Variants in APBA2 observed in about 807,000 individuals in gnomAD.
APBA2 encodes the protein amyloid-beta A4 precursor protein-binding family A member 2.
APBA2 carries 30 observed loss-of-function variants against 75.0 expected under a neutral mutation model. The observed-to-expected ratio is 0.40, with a 90% CI of 0.30 to 0.54. The LOEUF (loss-of-function observed/expected upper bound fraction) is 0.54, where lower values mean the gene tolerates loss of function less well. APBA2 is among the 20% of genes least tolerant of loss of function. APBA2 has a pLI of 0.49. For missense variants in APBA2, 801 were observed against 1,016.1 expected, an observed-to-expected ratio of 0.79 and a Z score of 2.88; for synonymous variants, 444 against 409.6, an observed-to-expected ratio of 1.08 and a Z score of -1.01.
chr15:29,038,354 A>G (rs1047716541), intron 3 of APBA2, among the ~76,000 whole-genome samples: 1 of 152,198 alleles, frequency 6.6e-6, no homozygotes, highest in Non-Finnish European at 1.5e-5. Flanking sequence ...AACCTCAGCT[A>G]TGGAGAAGCT....
chr15:28,960,606 C>T (rs2036416831), intron 2 of APBA2, among the ~76,000 whole-genome samples: 1 of 152,030 alleles, frequency 6.6e-6, no homozygotes, highest in Admixed American at 6.6e-5. Flanking sequence ...CTCCTAGGTT[C>T]CCCTTTAGGA....
chr15:29,105,980 G>A (rs1000825987), intron 11 of APBA2, among the ~76,000 whole-genome samples: 2 of 152,220 alleles, frequency 1.3e-5, no homozygotes, highest in African/African-American at 4.8e-5. Flanking sequence ...TATGGGCAGA[G>A]GAGCAAATTC....
At position 29,054,286 on chromosome 15, in the gene APBA2, C is replaced by T; in HGVS notation, c.402C>T (p.Cys134=). 6.2e-7 allele frequency: 1 copy of T among 1,614,132 alleles called. No individual in the cohort carries two copies. The highest frequency in any genetic ancestry group is 8.5e-7 in the Non-Finnish European group (1 of 1,180,018). The change falls in exon 4 of 15, where the codon TGC becomes TGT. Residue 134 remains cysteine (C), a synonymous_variant. Coordinates refer to ENST00000683413, the MANE Select transcript of APBA2 (RefSeq NM_001353788.2). The surrounding 1 kb of genome is among the most constrained non-coding windows in gnomAD (Gnocchi z 6.1). ...HSAHPVDTDE[C]QEAVEEWTDS... Reference sequence around the variant, plus strand: ...CACACCCTGTGGACACTGATGAGTGCCAGGAGGCGGTGGAGGAGTGGACGG... The same window carrying T: ...CACACCCTGTGGACACTGATGAGTGTCAGGAGGCGGTGGAGGAGTGGACGG...
chr15:28,913,288 G>A (rs1448599420), intron 1 of APBA2, among the ~76,000 whole-genome samples: 5 of 152,164 alleles, frequency 3.3e-5, no homozygotes, highest in Non-Finnish European at 2.9e-5. Context: ...ACAGTAGCTC[G>A]AGGAGCAGGC....
intron 4 of APBA2, among the ~76,000 whole-genome samples, chr15:29,073,399 G>T (rs552679882): frequency 6.6e-6 from 1 of 152,346 alleles, no homozygotes; most frequent in African/African-American, 2.4e-5. Flanking sequence ...TGCCCAGGCT[G>T]GAGTGCAATG....
At chr15:29,043,548 G>A (rs1253355520) in intron 3 of APBA2, among the ~76,000 whole-genome samples, 1 of 152,238 alleles carries the variant, frequency 6.6e-6, no homozygotes, top group Non-Finnish European at 1.5e-5. Flanking sequence ...CTCGAAGGCA[G>A]CCCTTGCTAA....
intron 3 of APBA2, among the ~76,000 whole-genome samples, chr15:29,019,330 A>C (rs2039834114): frequency 6.6e-6 from 1 of 152,198 alleles, no homozygotes; most frequent in Non-Finnish European, 1.5e-5. Context: ...TTTTTGATTA[A>C]GGATATTATA....
intron 3 of APBA2, among the ~76,000 whole-genome samples, chr15:29,039,101 GTGTGTGT>G (rs1566934688): frequency 2.1e-3 from 61 of 28,686 alleles, no homozygotes; most frequent in African/African-American, 0.016. Flanking sequence ...ATGTCAGGGT[GTGTGTGT>G]GTGTGTGTGT....
intron 4 of APBA2, among the ~76,000 whole-genome samples, 196 bp from the exon 5 acceptor site, chr15:29,074,724 CT>C (rs1195220507): frequency 6.6e-6 from 1 of 152,090 alleles, no homozygotes; most frequent in Non-Finnish European, 1.5e-5. Flanking sequence ...TTTAAAATAA[CT>C]TTTTTAGAAG....
At position 28,921,689 on chromosome 15, in the gene APBA2, T is replaced by C. The variant is rs953455757; in HGVS notation, c.-155T>C. The C allele has an allele frequency of 2.0e-5, 3 of 152,330 alleles. No homozygotes were observed. Among genetic ancestry groups the C allele is most frequent in the Admixed American group, 6.5e-5 (1 of 15,298 alleles). 9.4% of individuals were successfully genotyped at this position (152,330 alleles called of 1,614,324 possible). A position where few individuals can be genotyped will look rare whatever the true frequency, so the allele number is the denominator to read the frequency against. On this transcript the variant is annotated 5_prime_UTR_variant, in exon 2 of 15. Coordinates refer to ENST00000683413, the MANE Select transcript of APBA2 (RefSeq NM_001353788.2). ...GAATCTCCTGTGGACAAACCACCAA[T>C]AGGCCAGGACTGTCCTGTGGACAGA... is the stretch of plus-strand genomic sequence containing the variant.
intron 2 of APBA2, chr15:28,977,529 A>G (rs73368768): frequency 0.042 from 6,369 of 152,108 alleles, 272 homozygotes; most frequent in East Asian, 0.17. Context: ...TGAGATGGGA[A>G]TTTCCTGATT....
rs143145749 is a variant in APBA2, at chr15:29,024,510, C to T, written c.-41+28704C>T. Among the ~76,000 whole-genome samples the T allele has an allele frequency of 2.0e-3, 306 of 152,308 alleles. 2 individuals are homozygous for T. The highest frequency in any genetic ancestry group is 6.4e-3 in the African/African-American group (267 of 41,564). ...CACCCTCTTCCTTTTTGTTCCATTA[C>T]ACCTCTCTATTGCAGAGACTCACGT... On this transcript the variant is annotated intron_variant, in intron 3 of 14. Coordinates refer to ENST00000683413, the MANE Select transcript of APBA2 (RefSeq NM_001353788.2).
At chr15:29,055,080 C>G (rs964462101) in intron 4 of APBA2, among the ~76,000 whole-genome samples, 2 of 152,346 alleles carry the variant, frequency 1.3e-5, no homozygotes, top group African/African-American at 2.4e-5. Flanking sequence ...CAACTCGTGT[C>G]TCGCAGAAGA....
chr15:28,966,922 T>G (rs921457056), intron 2 of APBA2, among the ~76,000 whole-genome samples: 1 of 152,200 alleles, frequency 6.6e-6, no homozygotes, highest in African/African-American at 2.4e-5. Flanking sequence ...TCACTACTTT[T>G]TAAATATAAT....
chr15:28,991,884 C>T lies in APBA2; in HGVS notation c.-94-3869C>T, dbSNP rs948790124. 6.6e-6 allele frequency among the ~76,000 whole-genome samples: 1 copy of T among 152,194 alleles called. No homozygotes were observed. ...CCCAGGCACAGTGCACCAGAGTTTC[C>T]CAAACCTGTGTGCCGAGTGCCAGCC... On this transcript the variant is annotated intron_variant, in intron 2 of 14. Coordinates refer to ENST00000683413, the MANE Select transcript of APBA2 (RefSeq NM_001353788.2). This position sits in a 1 kb window ranked among gnomAD's most constrained non-coding sequence, Gnocchi z 4.7.
intron 1 of APBA2, among the ~76,000 whole-genome samples, chr15:28,915,299 T>TATACCACACACCACAAACATAGCCCATAC (rs2033637501): frequency 4.6e-4 from 2 of 4,368 alleles, no homozygotes; most frequent in African/African-American, 1.6e-3. Context: ...ATACCCCATA[T>TATACCACACACCACAAACATAGCCCATAC]ACACCACACA....
intron 4 of APBA2, among the ~76,000 whole-genome samples, chr15:29,065,731 C>T (rs1346376994): frequency 6.6e-6 from 1 of 152,172 alleles, no homozygotes; most frequent in Non-Finnish European, 1.5e-5. Context: ...AGTGCTGGAG[C>T]TGAAGGAAGT....
chr15:29,062,561 C>T (rs1185341636), intron 4 of APBA2, among the ~76,000 whole-genome samples: 1 of 152,182 alleles, frequency 6.6e-6, no homozygotes, highest in East Asian at 1.9e-4. Context: ...GACATGTCAC[C>T]ATGGGTGGCT....
chr15:28,996,388 TGTGCATG>T (rs1214473216), intron 3 of APBA2, among the ~76,000 whole-genome samples: 1 of 152,096 alleles, frequency 6.6e-6, no homozygotes, highest in Non-Finnish European at 1.5e-5. Flanking sequence ...CCTCCCTCCC[TGTGCATG>T]GAGCAGTATT....
Sources: allele counts gnomAD v4.1 joint callset (sites outside exome capture counted in the v4.1 genomes callset), GRCh38; gene constraint gnomAD v4.1.1; non-coding constraint Gnocchi (gnomAD v3.1); transcripts MANE v1.5; gene names NCBI Gene and HGNC (gene_info 2026-07-23, HGNC 2026-07-21).